The following RIT2 variants were observed in gnomAD, a reference collection of about 807,000 sequenced individuals.
RIT2 encodes GTP-binding protein Rit2.
A neutral mutation model predicts 23.7 loss-of-function variants in RIT2; 24 were observed. The observed-to-expected ratio is 1.01, with a 90% CI of 0.73 to 1.43. The LOEUF (loss-of-function observed/expected upper bound fraction) is 1.43, where lower values mean the gene tolerates loss of function less well. RIT2 is among the 40% of genes most tolerant of loss of function. The pLI, the probability that RIT2 is intolerant of heterozygous loss-of-function variation, is 0.00. For synonymous variants in RIT2, 107 were observed against 91.1 expected (o/e 1.17, Z -0.99); for missense variants, 236 against 266.9 (o/e 0.88, Z 0.81).
chr18:42,799,975 T>A (rs1224796294), intron 4 of RIT2, among the ~76,000 whole-genome samples: 1 of 151,902 alleles, frequency 6.6e-6, no homozygotes, highest in Non-Finnish European at 1.5e-5. Context: ...TGTATATGGA[T>A]TTTATATCTT....
chr18:42,826,556 A>G (rs1277583902), intron 4 of RIT2, among the ~76,000 whole-genome samples: 1 of 152,150 alleles, frequency 6.6e-6, no homozygotes, highest in Non-Finnish European at 1.5e-5. Flanking sequence ...ATGTTTACAT[A>G]TTAGAATTAT....
At chr18:43,078,145 T>A (rs567082335) in intron 1 of RIT2, among the ~76,000 whole-genome samples, 1 of 152,186 alleles carries the variant, frequency 6.6e-6, no homozygotes, top group Non-Finnish European at 1.5e-5. Context: ...TTTTTATTAC[T>A]GTGAGTAATG....
intron 4 of RIT2, among the ~76,000 whole-genome samples, chr18:42,775,280 T>A (rs904730584): frequency 2.0e-5 from 3 of 152,130 alleles, no homozygotes; most frequent in African/African-American, 4.8e-5. Flanking sequence ...CTCACAGTAA[T>A]AATTAAATAT....
rs189351092 is a variant in RIT2, at chr18:42,988,579, T to C, written c.161-14432A>G. Among the ~76,000 whole-genome samples the C allele has an allele frequency of 2.0e-5, 3 of 152,326 alleles. No homozygotes were observed. The East Asian group carries it at 5.8e-4, about 29-fold the overall frequency. On this transcript the variant is annotated intron_variant, in intron 2 of 4. Coordinates refer to ENST00000326695, the MANE Select transcript of RIT2 (RefSeq NM_002930.4). ...CCCAAGTTCCACCTCTCTGCTTCAT[T>C]CTCTCTGGTTAAGATAAGTCATTTT...
intron 3 of RIT2, among the ~76,000 whole-genome samples, chr18:42,938,075 T>C (rs1447150126): frequency 3.3e-5 from 5 of 151,110 alleles, no homozygotes; most frequent in Non-Finnish European, 7.4e-5. Flanking sequence ...CCAAGGATTT[T>C]TGTAAAGAGG....
At chr18:43,112,216 G>A (rs575195492) in intron 1 of RIT2, among the ~76,000 whole-genome samples, 9 of 152,098 alleles carry the variant, frequency 5.9e-5, no homozygotes, top group Non-Finnish European at 1.5e-5. Flanking sequence ...TAAACATAAT[G>A]TAGTAGAGTT....
intron 4 of RIT2, among the ~76,000 whole-genome samples, chr18:42,795,918 C>G (rs9967226): frequency 0.31 from 46,747 of 151,750 alleles, 9,257 homozygotes; most frequent in African/African-American, 0.55. Flanking sequence ...CTAGTGGGGA[C>G]GTGAAAACCT....
intron 4 of RIT2, among the ~76,000 whole-genome samples, chr18:42,920,143 T>C (rs1243692098): frequency 3.3e-5 from 5 of 152,150 alleles, no homozygotes; most frequent in African/African-American, 1.2e-4. Flanking sequence ...AAAGAATTAT[T>C]ATCCTGATTC....
chr18:42,977,678 GACAT>G (rs1165316809), intron 2 of RIT2, among the ~76,000 whole-genome samples: 2 of 151,518 alleles, frequency 1.3e-5, no homozygotes, highest in Non-Finnish European at 2.9e-5. Context: ...AATGGTGGGA[GACAT>G]ACATATAAAC....
chr18:42,914,648 G>C (rs1327554470), intron 4 of RIT2, among the ~76,000 whole-genome samples: 2 of 151,952 alleles, frequency 1.3e-5, no homozygotes, highest in Admixed American at 6.6e-5. Flanking sequence ...GGATAGGAAG[G>C]GGATGAGAAG....
intron 3 of RIT2, among the ~76,000 whole-genome samples, chr18:42,958,459 A>G (rs1437317836): frequency 6.6e-6 from 1 of 152,134 alleles, no homozygotes. Context: ...TCAGGCAGCC[A>G]CAAATTAGCT....
At chr18:42,851,075 T>C (rs1006183671) in intron 4 of RIT2, among the ~76,000 whole-genome samples, 6 of 152,214 alleles carry the variant, frequency 3.9e-5, no homozygotes, top group Non-Finnish European at 8.8e-5. Flanking sequence ...AATGAATTAA[T>C]TGGCAGTGCA....
chr18:43,012,954 C>T (rs1911384356), intron 2 of RIT2, among the ~76,000 whole-genome samples: 1 of 151,762 alleles, frequency 6.6e-6, no homozygotes. Context: ...TTCTTCTGTC[C>T]AAAAATTCCA....
intron 1 of RIT2, among the ~76,000 whole-genome samples, chr18:43,039,985 A>G (rs1444439640): frequency 6.6e-6 from 1 of 152,306 alleles, no homozygotes; most frequent in South Asian, 2.1e-4. Context: ...CAATTAGAGG[A>G]CTAGAATCTA....
chr18:42,992,278 T>C (rs915505364), intron 2 of RIT2, among the ~76,000 whole-genome samples: 1 of 152,164 alleles, frequency 6.6e-6, no homozygotes, highest in African/African-American at 2.4e-5. Flanking sequence ...AACTTGATAG[T>C]GGTCCCAAAT....
chr18:42,826,077 T>C (rs775767114), intron 4 of RIT2, among the ~76,000 whole-genome samples: 1 of 152,048 alleles, frequency 6.6e-6, no homozygotes, highest in Non-Finnish European at 1.5e-5. Context: ...GGTTGTGACA[T>C]CTTGCTAAAT....
intron 1 of RIT2, among the ~76,000 whole-genome samples, chr18:43,103,953 G>A (rs1290229745): frequency 6.6e-6 from 1 of 152,050 alleles, no homozygotes; most frequent in African/African-American, 2.4e-5. Flanking sequence ...AAAGAAAAAG[G>A]AGTCAGTATA....
At chr18:43,044,364 A>C (rs1045549443) in intron 1 of RIT2, among the ~76,000 whole-genome samples, 1 of 152,138 alleles carries the variant, frequency 6.6e-6, no homozygotes, top group Non-Finnish European at 1.5e-5. Flanking sequence ...ACAGGTTCTA[A>C]ATTTCTATAA....
chr18:43,000,597 G>A (rs752219788), intron 2 of RIT2, among the ~76,000 whole-genome samples: 38 of 151,928 alleles, frequency 2.5e-4, no homozygotes, highest in Non-Finnish European at 1.0e-4. Flanking sequence ...TAATCCCCAC[G>A]TGTTGAGAAA....
Sources: gnomAD v4.1 joint callset for allele counts (sites outside exome capture counted in the v4.1 genomes callset) on GRCh38, gnomAD v4.1.1 for gene constraint, MANE v1.5 for transcripts, NCBI Gene and HGNC (gene_info 2026-07-23, HGNC 2026-07-21) for gene names.